Variants in JAKMIP2 observed in about 807,000 individuals in gnomAD.
JAKMIP2 encodes the protein janus kinase and microtubule interacting protein 2.
Under a neutral mutation model 115.0 loss-of-function variants are expected in JAKMIP2, and 25 were observed. That is an observed-to-expected ratio of 0.22 (90% CI 0.16 to 0.30). The LOEUF (loss-of-function observed/expected upper bound fraction) is 0.30, where lower values mean the gene tolerates loss of function less well. Ranked by LOEUF, JAKMIP2 falls within the 10% of genes least tolerant of loss-of-function variation. JAKMIP2 has a pLI of 1.00. For missense variants in JAKMIP2, 642 were observed against 957.6 expected, an observed-to-expected ratio of 0.67 and a Z score of 4.35; for synonymous variants, 334 against 343.6, an observed-to-expected ratio of 0.97 and a Z score of 0.31.
intron 1 of JAKMIP2, among the ~76,000 whole-genome samples, chr5:147,722,166 G>A (rs1018649993): frequency 2.6e-5 from 4 of 152,258 alleles, no homozygotes; most frequent in Middle Eastern, 3.4e-3. Context: ...TCAACCGATT[G>A]CTGTTTGTAA....
chr5:147,680,496 T>A (rs4147460), intron 1 of JAKMIP2, among the ~76,000 whole-genome samples: 30,086 of 152,062 alleles, frequency 0.2, 3,939 homozygotes, highest in East Asian at 0.45. Flanking sequence ...ATAAAATAGT[T>A]GCGTTCACAT....
At chr5:147,698,439 G>A (rs1752192428) in intron 1 of JAKMIP2, among the ~76,000 whole-genome samples, 1 of 152,116 alleles carries the variant, frequency 6.6e-6, no homozygotes, top group Admixed American at 6.5e-5. Context: ...GAAATGTGAG[G>A]ACACAAGATT....
chr5:147,587,497 T>C lies in JAKMIP2; in HGVS notation c.*4210A>G, dbSNP rs1460328200. The C allele has an allele frequency of 6.6e-6, 1 of 152,094 alleles. No individual in the cohort carries two copies. Among genetic ancestry groups the C allele is most frequent in the Admixed American group, 6.6e-5 (1 of 15,246 alleles). 9.4% of individuals were successfully genotyped at this position (152,094 alleles called of 1,614,324 possible). On this transcript the variant is annotated 3_prime_UTR_variant, in exon 22 of 22. Coordinates refer to ENST00000616793, the MANE Select transcript of JAKMIP2 (RefSeq NM_001270941.2). ...AGATTGAAATAATGCAATTAAATAT[T>C]TTAAAAATAAAATTTCTATGCTGTC...
At chr5:147,617,767 G>T in intron 19 of JAKMIP2, 144 bp downstream of exon 19, 1 of 648,002 alleles carries the variant, frequency 1.5e-6, no homozygotes, top group East Asian at 2.7e-5. Flanking sequence ...CATGAAGGTA[G>T]AAAACAATGG....
chr5:147,659,511 T>G (rs755300210), intron 3 of JAKMIP2, among the ~76,000 whole-genome samples: 18 of 152,120 alleles, frequency 1.2e-4, no homozygotes, highest in Non-Finnish European at 2.4e-4. Flanking sequence ...ACGTTGTTAT[T>G]AAAAGGGATT....
intron 1 of JAKMIP2, among the ~76,000 whole-genome samples, chr5:147,714,675 T>A (rs1454638059): frequency 6.6e-6 from 1 of 152,104 alleles, no homozygotes; most frequent in Non-Finnish European, 1.5e-5. Context: ...TTAAATGCTA[T>A]CCAAGAAAAA....
intron 1 of JAKMIP2, among the ~76,000 whole-genome samples, chr5:147,766,688 G>A (rs1487360983): frequency 6.6e-6 from 1 of 152,026 alleles, no homozygotes; most frequent in East Asian, 1.9e-4. Context: ...TGGGAGAGAA[G>A]GAAAAAGATA....
At chr5:147,621,062 T>C (rs909969555) in intron 17 of JAKMIP2, among the ~76,000 whole-genome samples, 5 of 152,232 alleles carry the variant, frequency 3.3e-5, no homozygotes, top group Non-Finnish European at 5.9e-5. Flanking sequence ...TGTAAAAGTA[T>C]TATGATAATA....
intron 3 of JAKMIP2, among the ~76,000 whole-genome samples, chr5:147,659,063 T>C (rs1339309202): frequency 6.6e-6 from 1 of 150,440 alleles, no homozygotes; most frequent in East Asian, 2.0e-4. Context: ...TGGTCCTGAC[T>C]CATTGGAGTT....
chr5:147,743,238 C>A (rs1426126736), intron 1 of JAKMIP2, among the ~76,000 whole-genome samples: 2 of 152,204 alleles, frequency 1.3e-5, no homozygotes, highest in Non-Finnish European at 2.9e-5. Context: ...CTGAGACAAA[C>A]CAATGATCAC....
intron 20 of JAKMIP2, among the ~76,000 whole-genome samples, chr5:147,603,917 C>G (rs2126593397): frequency 6.6e-6 from 1 of 151,954 alleles, no homozygotes; most frequent in South Asian, 2.1e-4. Flanking sequence ...TTGTTTTCTC[C>G]CCTTTTTGTT....
At chr5:147,634,744 T>G (rs1400979442) in intron 12 of JAKMIP2, among the ~76,000 whole-genome samples, 1 of 151,906 alleles carries the variant, frequency 6.6e-6, no homozygotes, top group East Asian at 1.9e-4. Flanking sequence ...GATGAACACA[T>G]CAGCTCTGTC....
intron 16 of JAKMIP2, among the ~76,000 whole-genome samples, chr5:147,626,882 G>T (rs1019902465): frequency 3.9e-5 from 6 of 152,134 alleles, no homozygotes; most frequent in Non-Finnish European, 7.3e-5. Context: ...AGCCCTTCAT[G>T]ATTCCAGCTG....
intron 1 of JAKMIP2, among the ~76,000 whole-genome samples, chr5:147,720,471 C>T (rs2126939559): frequency 6.8e-6 from 1 of 147,934 alleles, no homozygotes; most frequent in South Asian, 2.3e-4. Flanking sequence ...TTCTCCCCAT[C>T]ACTTTCAGGT....
At chr5:147,608,560 C>A (rs146613896) in intron 20 of JAKMIP2, among the ~76,000 whole-genome samples, 35 of 152,210 alleles carry the variant, frequency 2.3e-4, no homozygotes, top group African/African-American at 3.4e-4. Context: ...GATTTCTGTT[C>A]TTTTGCATTT....
intron 16 of JAKMIP2, among the ~76,000 whole-genome samples, chr5:147,625,679 T>C (rs561478201): frequency 7.2e-5 from 11 of 152,312 alleles, no homozygotes; most frequent in Non-Finnish European, 1.6e-4. Flanking sequence ...TGGTTGCTGT[T>C]CCTTCCTACT....
At position 147,671,945 on chromosome 5, in the gene JAKMIP2, C is replaced by T. The variant is rs1420597483; in HGVS notation, c.-139G>A. On this transcript the variant is annotated 5_prime_UTR_variant, in exon 2 of 22. Transcript: ENST00000616793. ...TTGGTAAGGTCTCCTCAATCGCTGC[C>T]CTGGAAGCCCTGAGAAGAGGCAGAG... The T allele has an allele frequency of 1.5e-6, 2 of 1,312,398 alleles. No homozygotes were observed. The highest frequency in any genetic ancestry group is 1.9e-6 in the Non-Finnish European group (2 of 1,025,998). 81.3% of individuals were successfully genotyped at this position (1,312,398 alleles called of 1,614,324 possible).
At chr5:147,645,786 G>A (rs1399978084) in intron 5 of JAKMIP2, among the ~76,000 whole-genome samples, 1 of 152,124 alleles carries the variant, frequency 6.6e-6, no homozygotes, top group Non-Finnish European at 1.5e-5. Context: ...CTGGCTAGAT[G>A]CCAGTAACAC....
Position 147,621,130 on chromosome 5 carries a change from T to G in JAKMIP2, c.2065-387A>C, listed in dbSNP as rs2304038. ...AGCTGGGTTGCATAATCAACAAGTT[T>G]AACTGATTCAAATTCATCTGTGTAC... is the stretch of plus-strand genomic sequence containing the variant. On this transcript the variant is annotated intron_variant, in intron 17 of 21. Coordinates refer to ENST00000616793, the MANE Select transcript of JAKMIP2 (RefSeq NM_001270941.2). Among the ~76,000 whole-genome samples the G allele has an allele frequency of 6.3e-3, 960 of 152,302 alleles. 52 individuals are homozygous for G. In the East Asian group the frequency reaches 0.13, roughly 21 times the overall value.
Sources: allele counts gnomAD v4.1 joint callset (sites outside exome capture counted in the v4.1 genomes callset), GRCh38; gene constraint gnomAD v4.1.1; transcripts MANE v1.5; gene names NCBI Gene and HGNC (gene_info 2026-07-23, HGNC 2026-07-21).